TXNL4A: variants seen among roughly 807,000 people sequenced by gnomAD.
TXNL4A encodes the protein thioredoxin like 4A.
In TXNL4A, 17 loss-of-function variants were observed where a neutral mutation model predicts 14.6. That is an observed-to-expected ratio of 1.16 (90% CI 0.80 to 1.74). TXNL4A has a LOEUF of 1.74. Among genes scored for constraint, TXNL4A ranks in the 40% most tolerant of loss-of-function variants. TXNL4A has a pLI of 0.00. For missense variants in TXNL4A, 74 were observed against 195.2 expected (o/e 0.38, Z 3.70); for synonymous variants, 83 against 70.6 (o/e 1.18, Z -0.88).
intron 1 of TXNL4A, among the ~76,000 whole-genome samples, chr18:79,987,092 A>G (rs1315580221): frequency 6.6e-6 from 1 of 152,198 alleles, no homozygotes; most frequent in Non-Finnish European, 1.5e-5. Context: ...AAGGTGGTTC[A>G]AGGTCAAGTC....
At chr18:80,012,624 G>A (rs2051777486) in intron 1 of TXNL4A, among the ~76,000 whole-genome samples, 1 of 152,128 alleles carries the variant, frequency 6.6e-6, no homozygotes, top group Non-Finnish European at 1.5e-5. Flanking sequence ...AATATCTTTA[G>A]GATAAGGATA....
rs995008305 is a variant in TXNL4A at position 79,971,531 on chromosome 18, G to C, written c.*2154C>G. 3.3e-5 allele frequency: 5 copies of C among 152,004 alleles called. No homozygotes were observed. The highest frequency in any genetic ancestry group is 1.2e-4 in the African/African-American group (5 of 41,348). The allele number at this position is 152,004 out of a possible 1,614,324, so 9.4% of individuals were successfully genotyped here. A position where few individuals can be genotyped will look rare whatever the true frequency, so the allele number is the denominator to read the frequency against. ...TTTTTGTAGAGACAGGGTCTCACCA[G>C]GTTGCCCAGGCTGGTCGTGAACTCC... On this transcript the variant is annotated 3_prime_UTR_variant, in exon 3 of 3. Transcript: ENST00000269601.
chr18:80,020,244 C>T (rs1451872781), intron 1 of TXNL4A, among the ~76,000 whole-genome samples: 2 of 152,140 alleles, frequency 1.3e-5, no homozygotes, highest in Non-Finnish European at 2.9e-5. Flanking sequence ...TGTTTACACT[C>T]CTGTTCAGGT....
intron 1 of TXNL4A, among the ~76,000 whole-genome samples, chr18:80,004,180 T>C (rs1010997100): frequency 1.3e-5 from 2 of 150,480 alleles, no homozygotes; most frequent in East Asian, 3.9e-4. Flanking sequence ...AGGGATTCCT[T>C]GGGGCAGGGT....
intron 1 of TXNL4A, among the ~76,000 whole-genome samples, chr18:80,007,415 C>T (rs923050498): frequency 1.3e-5 from 2 of 152,148 alleles, no homozygotes; most frequent in African/African-American, 2.4e-5. Flanking sequence ...CAGAGAGAGT[C>T]GGAGAGAAAC....
Position 79,982,736 on chromosome 18 carries a change from C to T in TXNL4A, c.154-5035G>A, listed in dbSNP as rs1273818965. On this transcript the variant is annotated intron_variant, in intron 1 of 2. Transcript: ENST00000269601. This position sits in a 1 kb window ranked among gnomAD's most constrained non-coding sequence, Gnocchi z 4.0. ...TGGCTATGGAGAGAGAGGGAAGTTA[C>T]TGTGGGACTTGGGAGTTCAGATAGG... 2.0e-5 allele frequency among the ~76,000 whole-genome samples: 3 copies of T among 152,114 alleles called. No individual in the cohort carries two copies. The highest frequency in any genetic ancestry group is 6.6e-5 in the Admixed American group (1 of 15,266).
intron 1 of TXNL4A, among the ~76,000 whole-genome samples, chr18:79,999,061 T>C (rs1220274685): frequency 6.6e-6 from 1 of 152,188 alleles, no homozygotes; most frequent in Non-Finnish European, 1.5e-5. Flanking sequence ...TCATCTCAAG[T>C]GGCTGAGTTG....
At chr18:80,016,290 A>C (rs1253202502) in intron 1 of TXNL4A, among the ~76,000 whole-genome samples, 3 of 152,084 alleles carry the variant, frequency 2.0e-5, no homozygotes. Flanking sequence ...GGGTTGCGAA[A>C]ATTTTCTCCC....
intron 1 of TXNL4A, among the ~76,000 whole-genome samples, chr18:79,997,378 TAAAACA>T (rs1477407550): frequency 1.4e-5 from 2 of 142,954 alleles, no homozygotes; most frequent in Non-Finnish European, 3.2e-5. Flanking sequence ...ATATTCCCTG[TAAAACA>T]AAAACAAAAA....
chr18:80,033,247 A>G (rs2051936679), intron 1 of TXNL4A, among the ~76,000 whole-genome samples: 1 of 152,116 alleles, frequency 6.6e-6, no homozygotes. Flanking sequence ...ACACATGCAC[A>G]CACACGTACA....
At chr18:80,025,364 G>A (rs899125398) in intron 1 of TXNL4A, among the ~76,000 whole-genome samples, 5 of 152,134 alleles carry the variant, frequency 3.3e-5, no homozygotes, top group African/African-American at 1.2e-4. Context: ...ACTGTACCCT[G>A]ACCTCTCTGA....
intron 1 of TXNL4A, among the ~76,000 whole-genome samples, chr18:80,024,083 C>T (rs1295141987): frequency 2.0e-5 from 3 of 152,102 alleles, no homozygotes; most frequent in Non-Finnish European, 4.4e-5. Context: ...ACCTTGTAGC[C>T]CAAACCAACA....
chr18:80,018,567 A>C (rs897987664), intron 1 of TXNL4A, among the ~76,000 whole-genome samples: 1 of 152,190 alleles, frequency 6.6e-6, no homozygotes, highest in African/African-American at 2.4e-5. Context: ...TGAAAGGATC[A>C]ACAAAATTGA....
chr18:80,002,962 G>A (rs1174217119), intron 1 of TXNL4A, among the ~76,000 whole-genome samples: 1 of 152,216 alleles, frequency 6.6e-6, no homozygotes, highest in African/African-American at 2.4e-5. Context: ...AAGATGGCAG[G>A]GAGGGAGGCC....
In TXNL4A at chr18:79,972,247, A is replaced by G. The variant is rs1421681149; in HGVS notation, c.*1438T>C. On this transcript the variant is annotated 3_prime_UTR_variant, in exon 3 of 3. Coordinates refer to ENST00000269601, the MANE Select transcript of TXNL4A (RefSeq NM_006701.5). ...ATCCGCCTTTACCAAGGAGGAAACA[A>G]AGCTCAGAGAAGGTACCCTGCCCAA... The G allele has an allele frequency of 6.6e-6, 1 of 152,190 alleles. No homozygotes were observed. The highest frequency in any genetic ancestry group is 2.4e-5 in the African/African-American group (1 of 41,416). The allele number at this position is 152,190 out of a possible 1,614,324, so 9.4% of individuals were successfully genotyped here.
chr18:80,023,455 T>C (rs561439235), intron 1 of TXNL4A, among the ~76,000 whole-genome samples: 1 of 152,300 alleles, frequency 6.6e-6, no homozygotes, highest in East Asian at 1.9e-4. Flanking sequence ...TCCAAATTCT[T>C]TCCAGGCAAA....
intron 1 of TXNL4A, among the ~76,000 whole-genome samples, chr18:80,000,897 G>C (rs1053721984): frequency 2.0e-5 from 3 of 152,168 alleles, no homozygotes; most frequent in South Asian, 4.1e-4. Flanking sequence ...CAAGTGATCT[G>C]CCTGCCTTGG....
At chr18:80,015,510 C>T (rs868594896) in intron 1 of TXNL4A, among the ~76,000 whole-genome samples, 1 of 151,780 alleles carries the variant, frequency 6.6e-6, no homozygotes, top group African/African-American at 2.4e-5. Context: ...ATCCCTCCCC[C>T]CTACCCCCAC....
At chr18:79,990,920 C>A (rs973702549), upstream of TXNL4A, among the ~76,000 whole-genome samples, 1 of 151,142 alleles carries the variant, frequency 6.6e-6, no homozygotes, top group African/African-American at 2.4e-5. Flanking sequence ...CTGGCTAACA[C>A]GGTGAAACCC....
Sources: allele counts gnomAD v4.1 joint callset (sites outside exome capture counted in the v4.1 genomes callset), GRCh38; gene constraint gnomAD v4.1.1; non-coding constraint Gnocchi (gnomAD v3.1); transcripts MANE v1.5; gene names NCBI Gene and HGNC (gene_info 2026-07-23, HGNC 2026-07-21).